SORCS2: variants seen among roughly 807,000 people sequenced by gnomAD.
SORCS2 encodes the protein sortilin related VPS10 domain containing receptor 2.
A neutral mutation model predicts 141.6 loss-of-function variants in SORCS2; 100 were observed. That is an observed-to-expected ratio of 0.71 (90% CI 0.60 to 0.83). SORCS2 has a LOEUF of 0.83. SORCS2 is among the 40% of genes least tolerant of loss of function. The pLI, the probability that SORCS2 is intolerant of heterozygous loss-of-function variation, is 0.00. For synonymous variants in SORCS2, 789 were observed against 676.9 expected (o/e 1.17, Z -2.57); for missense variants, 1,646 against 1,560.2 (o/e 1.05, Z -0.93).
intron 3 of SORCS2, among the ~76,000 whole-genome samples, chr4:7,627,979 G>C (rs1719624203): frequency 6.6e-6 from 1 of 152,230 alleles, no homozygotes; most frequent in Admixed American, 6.5e-5. Context: ...CGGGGGCCTG[G>C]CGAGGACGCC....
Position 7,192,700 on chromosome 4 carries a change from AGCCCCGAGCCCCG to A in SORCS2, c.56_68del (p.Ala19GlyfsTer42). ...CGAAGGGCCCCGGCCCCACCGCCCG[AGCCCCGAGCCCCG>A]GGGCTCCGCCGCCGCCGCGCTCGCC... On this transcript the variant is annotated frameshift_variant, in exon 1 of 27. Coordinates refer to ENST00000507866, the MANE Select transcript of SORCS2 (RefSeq NM_020777.3). LOFTEE classifies it high-confidence loss of function. This position sits in a 1 kb window ranked among gnomAD's most constrained non-coding sequence, Gnocchi z 4.0. The A allele has an allele frequency of 1.0e-6, 1 of 988,628 alleles. No homozygotes were observed. Among genetic ancestry groups the A allele is most frequent in the Non-Finnish European group, 1.2e-6 (1 of 833,784 alleles). 61.2% of individuals were successfully genotyped at this position (988,628 alleles called of 1,614,324 possible).
In SORCS2 at chr4:7,233,488, G is replaced by T. The variant is rs1452804177; in HGVS notation, c.480+40362G>T. Reference sequence around the variant, plus strand: ...GGGCCACAGTGCAGTACAGACCCTCGCTGGGCTCAGGGTGAGCAGACACTT... The same window carrying T: ...GGGCCACAGTGCAGTACAGACCCTCTCTGGGCTCAGGGTGAGCAGACACTT... On this transcript the variant is annotated intron_variant, in intron 1 of 26. Transcript: ENST00000507866. The surrounding 1 kb of genome is among the most constrained non-coding windows in gnomAD (Gnocchi z 4.5). Among the ~76,000 whole-genome samples, 9 of 152,142 alleles carry T rather than the reference G, an allele frequency of 5.9e-5. No homozygotes were observed. The highest frequency in any genetic ancestry group is 2.2e-4 in the African/African-American group (9 of 41,428).
At chr4:7,708,020 G>A (rs1725581431) in intron 14 of SORCS2, among the ~76,000 whole-genome samples, 1 of 152,218 alleles carries the variant, frequency 6.6e-6, no homozygotes, top group East Asian at 1.9e-4. Flanking sequence ...CCCCGAAACT[G>A]GGAAATGAGT....
intron 1 of SORCS2, 47 bp from the exon 2 acceptor site, chr4:7,396,241 C>G: frequency 3.8e-6 from 6 of 1,589,216 alleles, no homozygotes; most frequent in Non-Finnish European, 5.2e-6. Context: ...CTTTGAGAAC[C>G]TTGGCACCCA....
At position 7,193,274 on chromosome 4, in the gene SORCS2, G is replaced by A. The variant is rs1560447272; in HGVS notation, c.480+148G>A. ...CTTGGGCACTTGGGTCACCTCGGCC[G>A]CGCCCCTACTGGCCTCTGGTCACTG... On this transcript the variant is annotated intron_variant, in intron 1 of 26. Transcript: ENST00000507866. The surrounding 1 kb of genome is among the most constrained non-coding windows in gnomAD (Gnocchi z 4.8). 2 of 1,079,092 alleles carry A rather than the reference G, an allele frequency of 1.9e-6. No individual in the cohort carries two copies. The highest frequency in any genetic ancestry group is 4.2e-5 in the Admixed American group (1 of 24,028). The allele number at this position is 1,079,092 out of a possible 1,614,324, so 66.8% of individuals were successfully genotyped here. A position where few individuals can be genotyped will look rare whatever the true frequency, so the allele number is the denominator to read the frequency against.
rs1712012149 is a variant in SORCS2 at position 7,233,024 on chromosome 4, A to T, written c.480+39898A>T. Reference sequence around the variant, plus strand: ...AGCTCCCTGCTCCTCTGCACTAGGAACCTCCCAGAGGCTTTCTGGGGCATG... The same window carrying T: ...AGCTCCCTGCTCCTCTGCACTAGGATCCTCCCAGAGGCTTTCTGGGGCATG... On this transcript the variant is annotated intron_variant, in intron 1 of 26. Transcript: ENST00000507866. This position sits in a 1 kb window ranked among gnomAD's most constrained non-coding sequence, Gnocchi z 4.5. Among the ~76,000 whole-genome samples the T allele has an allele frequency of 6.6e-6, 1 of 151,852 alleles. No individual in the cohort carries two copies. The highest frequency in any genetic ancestry group is 6.6e-5 in the Admixed American group (1 of 15,244).
chr4:7,293,708 C>T (rs1716763957), intron 1 of SORCS2, among the ~76,000 whole-genome samples: 1 of 152,220 alleles, frequency 6.6e-6, no homozygotes, highest in African/African-American at 2.4e-5. Flanking sequence ...GGATTCTCTA[C>T]TGGCGATCCC....
intron 1 of SORCS2, among the ~76,000 whole-genome samples, chr4:7,281,718 C>T (rs1221751583): frequency 6.6e-6 from 1 of 152,218 alleles, no homozygotes; most frequent in Non-Finnish European, 1.5e-5. Context: ...CAGGCTCCCC[C>T]ATGAGAATAA....
At chr4:7,450,239 G>A (rs1212479878) in intron 2 of SORCS2, among the ~76,000 whole-genome samples, 2 of 152,188 alleles carry the variant, frequency 1.3e-5, no homozygotes, top group African/African-American at 4.8e-5. Flanking sequence ...CATGAGCTCT[G>A]CCTGGTGGTG....
chr4:7,661,624 T>C, intron 6 of SORCS2, 60 bp downstream of exon 6: 3 of 1,486,094 alleles, frequency 2.0e-6, no homozygotes, highest in Middle Eastern at 1.7e-4. Context: ...CCGACACAGC[T>C]CGGCTGCACG....
At chr4:7,665,714 C>T (rs1722462171) in intron 7 of SORCS2, among the ~76,000 whole-genome samples, 1 of 152,172 alleles carries the variant, frequency 6.6e-6, no homozygotes, top group Non-Finnish European at 1.5e-5. Flanking sequence ...GGTCTGAACC[C>T]CCCACCTGCT....
intron 1 of SORCS2, among the ~76,000 whole-genome samples, chr4:7,220,041 C>T (rs1728612051): frequency 6.6e-6 from 1 of 152,214 alleles, no homozygotes; most frequent in African/African-American, 2.4e-5. Flanking sequence ...AGAGTACATA[C>T]AGTTTAGAAC....
At chr4:7,605,842 C>A (rs774019695) in intron 3 of SORCS2, among the ~76,000 whole-genome samples, 22 of 152,116 alleles carry the variant, frequency 1.4e-4, no homozygotes, top group Non-Finnish European at 2.9e-4. Flanking sequence ...CAGAGACCCA[C>A]CCCAGCAGAG....
chr4:7,248,225 C>T (rs973856539), intron 1 of SORCS2, among the ~76,000 whole-genome samples: 4 of 152,146 alleles, frequency 2.6e-5, no homozygotes, highest in East Asian at 1.9e-4. Flanking sequence ...GGGGTCCTTG[C>T]GGGGCTCAGC....
chr4:7,443,921 G>A (rs1363084738), intron 2 of SORCS2, among the ~76,000 whole-genome samples: 3 of 152,228 alleles, frequency 2.0e-5, no homozygotes, highest in Admixed American at 6.5e-5. Context: ...GGCTGCCGCT[G>A]CTGGCCGATC....
intron 2 of SORCS2, among the ~76,000 whole-genome samples, chr4:7,507,187 T>TATTTATTTATTTATTTA (rs1401480704): frequency 1.3e-5 from 2 of 152,080 alleles, no homozygotes; most frequent in Non-Finnish European, 2.9e-5. Context: ...ATTATTTATT[T>TATTTATTTATTTATTTA]ATTTTTGAGA....
In SORCS2 at chr4:7,491,574, T is replaced by G. The variant is rs576071900; in HGVS notation, c.549-39956T>G. 1.4e-4 allele frequency among the ~76,000 whole-genome samples: 22 copies of G among 152,346 alleles called. No individual in the cohort carries two copies. The South Asian group carries it at 4.1e-3, about 29-fold the overall frequency. On this transcript the variant is annotated intron_variant, in intron 2 of 26. Coordinates refer to ENST00000507866, the MANE Select transcript of SORCS2 (RefSeq NM_020777.3). ...CACCTTGGCTAGGACCTCTCTGGAT[T>G]GACTTCTTCACTTTGACCACCTGGC... is the stretch of plus-strand genomic sequence containing the variant.
intron 2 of SORCS2, among the ~76,000 whole-genome samples, chr4:7,481,579 A>T (rs1730638446): frequency 6.6e-6 from 1 of 152,168 alleles, no homozygotes; most frequent in Non-Finnish European, 1.5e-5. Context: ...AACGTTGACC[A>T]TTGGTGAGCC....
At chr4:7,479,958 T>A (rs1476518553) in intron 2 of SORCS2, among the ~76,000 whole-genome samples, 1 of 152,230 alleles carries the variant, frequency 6.6e-6, no homozygotes, top group Non-Finnish European at 1.5e-5. Flanking sequence ...GGGCGCCATT[T>A]ATTCCGTGAC....
Sources: gnomAD v4.1 joint callset for allele counts (sites outside exome capture counted in the v4.1 genomes callset) on GRCh38, gnomAD v4.1.1 for gene constraint, Gnocchi (gnomAD v3.1) non-coding constraint, MANE v1.5 for transcripts, NCBI Gene and HGNC (gene_info 2026-07-23, HGNC 2026-07-21) for gene names.